Variants in FER observed in about 807,000 individuals in gnomAD.
FER encodes the protein tyrosine-protein kinase Fer.
FER carries 63 observed loss-of-function variants against 111.0 expected under a neutral mutation model. The observed-to-expected ratio is 0.57, with a 90% CI of 0.46 to 0.70. The LOEUF is 0.70. Ranked by LOEUF, FER falls within the 30% of genes least tolerant of loss-of-function variation. The pLI is 0.00. For synonymous variants in FER, 327 were observed against 313.9 expected (o/e 1.04, Z -0.44); for missense variants, 914 against 954.0 (o/e 0.96, Z 0.55).
intron 16 of FER, among the ~76,000 whole-genome samples, chr5:109,060,490 C>A (rs908121992): frequency 6.6e-6 from 1 of 151,932 alleles, no homozygotes; most frequent in Non-Finnish European, 1.5e-5. Context: ...TCAAGACGAT[C>A]CAGGCCAACA....
rs1424290925 is a variant in FER, at chr5:109,042,791, G to GA, written c.1714-1884dup. On this transcript the variant is annotated intron_variant, in intron 14 of 19. Transcript: ENST00000281092. Reference sequence around the variant, plus strand: ...TGGAGGTGGGCGTTTTCCACAGAGGGAAAAATGTAGAAAAGGCATGACACG... The same window carrying GA: ...TGGAGGTGGGCGTTTTCCACAGAGGGAAAAAATGTAGAAAAGGCATGACACG... 6.6e-5 allele frequency among the ~76,000 whole-genome samples: 10 copies of GA among 152,228 alleles called. No homozygotes were observed. In the East Asian group the frequency reaches 1.7e-3, roughly 27 times the overall value.
chr5:109,111,553 G>A (rs1184045564), intron 17 of FER, among the ~76,000 whole-genome samples: 1 of 152,066 alleles, frequency 6.6e-6, no homozygotes, highest in Non-Finnish European at 1.5e-5. Flanking sequence ...TGCTTCATTA[G>A]TTCATTCTCA....
intron 16 of FER, among the ~76,000 whole-genome samples, chr5:109,090,629 A>T (rs895997648): frequency 2.6e-5 from 4 of 152,216 alleles, no homozygotes; most frequent in African/African-American, 7.2e-5. Flanking sequence ...GAGAATACTC[A>T]CAGAGAGGGA....
intron 16 of FER, among the ~76,000 whole-genome samples, chr5:109,056,163 G>A (rs1423990599): frequency 6.6e-6 from 1 of 152,148 alleles, no homozygotes; most frequent in African/African-American, 2.4e-5. Context: ...ACAGTATGAA[G>A]GTTCCTAAAG....
At chr5:109,072,133 A>C (rs991663816) in intron 16 of FER, among the ~76,000 whole-genome samples, 1 of 151,812 alleles carries the variant, frequency 6.6e-6, no homozygotes, top group African/African-American at 2.4e-5. Flanking sequence ...ATAACTAACT[A>C]GATCTTTTAA....
At chr5:109,144,638 A>G (rs780654945) in intron 17 of FER, among the ~76,000 whole-genome samples, 2 of 152,058 alleles carry the variant, frequency 1.3e-5, no homozygotes, top group Non-Finnish European at 2.9e-5. Context: ...ATTTTCCTAC[A>G]CTTAGCTAAC....
At chr5:109,136,033 T>G (rs970072038) in intron 17 of FER, among the ~76,000 whole-genome samples, 1 of 151,868 alleles carries the variant, frequency 6.6e-6, no homozygotes, top group Non-Finnish European at 1.5e-5. Flanking sequence ...AGGCAGTTGG[T>G]TAACTTGAGG....
rs754420371 is a variant in FER, at chr5:109,187,517, G to A, written c.2411G>A (p.Arg804His). The A allele has an allele frequency of 8.1e-6, 13 of 1,613,922 alleles. No homozygotes were observed. The highest frequency in any genetic ancestry group is 1.1e-5 in the Non-Finnish European group (13 of 1,179,970). Residue 804 changes from arginine to histidine, a missense_variant, in exon 20 of 20, where the codon CGC (arginine) becomes CAC (histidine). Around this residue, in one of 3 missense-constraint regions of FER, gnomAD observed 134 missense variants for 149.4 expected, o/e 0.90. Transcript: ENST00000281092. ...TGTTGGGATTATAAACCTGAAAATC[G>A]CCCTAAGTTCAGTGAACTTCAGAAA... The part of the protein sequence containing the change: ...MKCWDYKPEN[R>H]PKFSELQKEL...
At chr5:109,038,928 A>G (rs1770770624) in intron 14 of FER, among the ~76,000 whole-genome samples, 2 of 152,038 alleles carry the variant, frequency 1.3e-5, no homozygotes, top group Admixed American at 1.3e-4. Context: ...TCCTTAGACT[A>G]TTTCAAAGAA....
chr5:108,910,470 A>G (rs1274754728), intron 10 of FER, among the ~76,000 whole-genome samples: 2 of 152,148 alleles, frequency 1.3e-5, no homozygotes, highest in Non-Finnish European at 1.5e-5. Flanking sequence ...TTTTTAAAAA[A>G]AAGGTTTGTT....
chr5:108,926,203 ATTC>A (rs1314041796), intron 10 of FER, among the ~76,000 whole-genome samples: 1 of 151,296 alleles, frequency 6.6e-6, no homozygotes, highest in Non-Finnish European at 1.5e-5. Flanking sequence ...TCTGATATAT[ATTC>A]TTTTATTATC....
At chr5:109,035,067 C>T (rs1237517208) in intron 13 of FER, among the ~76,000 whole-genome samples, 1 of 138,950 alleles carries the variant, frequency 7.2e-6, no homozygotes, top group African/African-American at 2.7e-5. Flanking sequence ...CTGAGTCTCG[C>T]TCTGTCATCA....
At chr5:108,932,197 G>A (rs951425400) in intron 10 of FER, among the ~76,000 whole-genome samples, 1 of 152,032 alleles carries the variant, frequency 6.6e-6, no homozygotes, top group African/African-American at 2.4e-5. Context: ...ACAGGCCCTG[G>A]TGTGTAATAT....
chr5:108,974,248 T>C (rs1196690403), intron 13 of FER, among the ~76,000 whole-genome samples: 1 of 152,106 alleles, frequency 6.6e-6, no homozygotes, highest in Admixed American at 6.6e-5. Context: ...ATGATTGAGG[T>C]GATGAACCCC....
intron 17 of FER, among the ~76,000 whole-genome samples, chr5:109,106,598 G>A (rs1476901469): frequency 1.3e-5 from 2 of 152,070 alleles, no homozygotes; most frequent in Non-Finnish European, 2.9e-5. Context: ...AATGTATTAA[G>A]AATATATAGT....
chr5:108,800,878 C>G (rs1756567196), intron 3 of FER, among the ~76,000 whole-genome samples: 1 of 152,090 alleles, frequency 6.6e-6, no homozygotes, highest in African/African-American at 2.4e-5. Context: ...AACCTCGTCT[C>G]TACCAAAAAT....
chr5:109,129,059 C>G (rs1582164426), intron 17 of FER, among the ~76,000 whole-genome samples: 1 of 151,982 alleles, frequency 6.6e-6, no homozygotes, highest in Non-Finnish European at 1.5e-5. Flanking sequence ...ATTTAGAATA[C>G]AGTAAAAATG....
At chr5:109,126,516 T>C (rs1751750298) in intron 17 of FER, among the ~76,000 whole-genome samples, 1 of 152,310 alleles carries the variant, frequency 6.6e-6, no homozygotes, top group Non-Finnish European at 1.5e-5. Context: ...ATTTTGTAAA[T>C]TAAAAAAATA....
chr5:108,802,622 GT>G (rs1756790644), intron 3 of FER, among the ~76,000 whole-genome samples: 1 of 148,772 alleles, frequency 6.7e-6, no homozygotes, highest in Non-Finnish European at 1.5e-5. Flanking sequence ...GTTTTTTTTT[GT>G]TCCTGTGTTA....
Sources: allele counts gnomAD v4.1 joint callset (sites outside exome capture counted in the v4.1 genomes callset), GRCh38; gene constraint gnomAD v4.1.1; regional missense constraint gnomAD v4.1.1; transcripts MANE v1.5; gene names NCBI Gene and HGNC (gene_info 2026-07-23, HGNC 2026-07-21).